NKAIN1: variants seen among roughly 807,000 people sequenced by gnomAD.
The protein encoded by NKAIN1 is sodium/potassium transporting ATPase interacting 1.
A neutral mutation model predicts 31.6 loss-of-function variants in NKAIN1; 13 were observed. The observed-to-expected ratio is 0.41, with a 90% confidence interval of 0.27 to 0.65. The LOEUF (loss-of-function observed/expected upper bound fraction) is 0.65. Ranked by LOEUF, NKAIN1 falls within the 30% of genes least tolerant of loss-of-function variation. The pLI is 0.30. For missense variants in NKAIN1, 193 were observed against 262.2 expected (o/e 0.74, Z 1.82); for synonymous variants, 104 against 109.0 (o/e 0.95, Z 0.28).
intron 1 of NKAIN1, among the ~76,000 whole-genome samples, chr1:31,209,220 C>T (rs938654222): frequency 5.3e-5 from 8 of 152,124 alleles, no homozygotes; most frequent in Non-Finnish European, 1.0e-4. Flanking sequence ...ACTAAAAACA[C>T]AAAAGTTAGC....
At chr1:31,216,352 C>T (rs899788866) in intron 1 of NKAIN1, among the ~76,000 whole-genome samples, 1 of 152,032 alleles carries the variant, frequency 6.6e-6, no homozygotes, top group Non-Finnish European at 1.5e-5. Flanking sequence ...CCTTTCATCC[C>T]CAGAATGACA....
intron 2 of NKAIN1, among the ~76,000 whole-genome samples, chr1:31,186,402 T>G (rs1322442420): frequency 1.3e-5 from 2 of 148,750 alleles, no homozygotes; most frequent in East Asian, 1.9e-4. Flanking sequence ...GTGTTTTTTT[T>G]TTTTTTTTTT....
intron 1 of NKAIN1, among the ~76,000 whole-genome samples, chr1:31,193,035 A>G (rs2148351727): frequency 6.6e-6 from 1 of 150,718 alleles, no homozygotes; most frequent in South Asian, 2.1e-4. Context: ...AGTGTCTTAT[A>G]AACAATCTCA....
chr1:31,232,074 C>G (rs561771430), intron 1 of NKAIN1, among the ~76,000 whole-genome samples: 1 of 143,856 alleles, frequency 7.0e-6, no homozygotes, highest in African/African-American at 2.6e-5. Context: ...CTACCATGCC[C>G]AGCTAAGTTT....
chr1:31,191,403 T>C (rs923569699), intron 1 of NKAIN1, among the ~76,000 whole-genome samples: 1 of 43,830 alleles, frequency 2.3e-5, no homozygotes, highest in Non-Finnish European at 1.3e-4. Flanking sequence ...GAGAGAGGTT[T>C]TTTTTTTTTT....
At chr1:31,194,016 T>C (rs747600824) in intron 1 of NKAIN1, 1 of 152,214 alleles carries the variant, frequency 6.6e-6, no homozygotes, top group Non-Finnish European at 1.5e-5. Context: ...CCTAGAGAGC[T>C]GCAAGCCAAG....
At chr1:31,231,546 T>G (rs1390576916) in intron 1 of NKAIN1, among the ~76,000 whole-genome samples, 2 of 145,788 alleles carry the variant, frequency 1.4e-5, no homozygotes, top group Non-Finnish European at 3.0e-5. Flanking sequence ...TGTTGTTGTT[T>G]TTGAGACGGA....
chr1:31,200,865 G>A (rs1227210255), intron 1 of NKAIN1, among the ~76,000 whole-genome samples: 1 of 149,108 alleles, frequency 6.7e-6, no homozygotes, highest in Non-Finnish European at 1.5e-5. Flanking sequence ...TGACAGTCTC[G>A]CTCTGTCGCC....
chr1:31,216,759 T>G (rs1429141522), intron 1 of NKAIN1, among the ~76,000 whole-genome samples: 2 of 146,880 alleles, frequency 1.4e-5, no homozygotes, highest in African/African-American at 5.0e-5. Context: ...AGTGGCACCA[T>G]CTCGGCTCAC....
In NKAIN1 at chr1:31,181,507, G is replaced by A; in HGVS notation, c.*196C>T. The A allele has an allele frequency of 2.2e-6, 1 of 458,942 alleles. No individual in the cohort carries two copies. The highest frequency in any genetic ancestry group is 3.7e-6 in the Non-Finnish European group (1 of 269,222). The allele number at this position is 458,942 out of a possible 1,614,324, so 28.4% of individuals were successfully genotyped here. On this transcript the variant is annotated 3_prime_UTR_variant, in exon 7 of 7. Transcript: ENST00000373736. ...GCCCCACTCCTCCGAAGTCCGGGCTGCGAAGAGCCAAGCTCAAATCCAAGT... is the reference window on the plus strand; with the variant it reads ...GCCCCACTCCTCCGAAGTCCGGGCTACGAAGAGCCAAGCTCAAATCCAAGT...
At chr1:31,193,875 G>A (rs1417963803) in intron 1 of NKAIN1, 1 of 152,152 alleles carries the variant, frequency 6.6e-6, no homozygotes, top group Non-Finnish European at 1.5e-5. Context: ...AATCATAACC[G>A]GCCTTGCTGT....
intron 6 of NKAIN1, 31 bp downstream of exon 6, chr1:31,181,829 C>T: frequency 1.9e-6 from 3 of 1,589,822 alleles, no homozygotes; most frequent in Non-Finnish European, 2.6e-6. Context: ...ACGCCCAGGC[C>T]TCCCCAAGCC....
rs555631369 is a variant in NKAIN1, at chr1:31,194,325, T to A, written c.55-6138A>T. 4.0e-5 allele frequency among the ~76,000 whole-genome samples: 6 copies of A among 151,232 alleles called. No individual in the cohort carries two copies. In the South Asian group the frequency reaches 6.3e-4, roughly 16 times the overall value. Reference sequence around the variant, plus strand: ...CAGTCCTCTCTGCCTTTGATCTCTGTTCTCCCCTGACCCAGCTCTTTCTTT... The same window carrying A: ...CAGTCCTCTCTGCCTTTGATCTCTGATCTCCCCTGACCCAGCTCTTTCTTT... On this transcript the variant is annotated intron_variant, in intron 1 of 6. Coordinates refer to ENST00000373736, the MANE Select transcript of NKAIN1 (RefSeq NM_024522.3).
intron 3 of NKAIN1, among the ~76,000 whole-genome samples, chr1:31,184,609 T>A (rs1209410497): frequency 1.3e-5 from 2 of 152,158 alleles, no homozygotes; most frequent in African/African-American, 2.4e-5. Flanking sequence ...TCAGAGAGGA[T>A]CAGCCACTTG....
intron 1 of NKAIN1, among the ~76,000 whole-genome samples, chr1:31,205,366 T>G (rs1253997695): frequency 6.6e-6 from 1 of 152,064 alleles, no homozygotes; most frequent in African/African-American, 2.4e-5. Flanking sequence ...TGGAGTGCAG[T>G]GTCACAATCT....
chr1:31,219,221 G>T (rs991243022), intron 1 of NKAIN1, among the ~76,000 whole-genome samples: 1 of 152,254 alleles, frequency 6.6e-6, no homozygotes, highest in Non-Finnish European at 1.5e-5. Flanking sequence ...GAGCCAGAAG[G>T]TAGTAGCATC....
In NKAIN1 at chr1:31,206,579, G is replaced by A. The variant is rs528755079; in HGVS notation, c.55-18392C>T. Among the ~76,000 whole-genome samples the A allele has an allele frequency of 2.0e-4, 30 of 152,094 alleles. No homozygotes were observed. In the East Asian group the frequency reaches 5.2e-3, roughly 27 times the overall value. On this transcript the variant is annotated intron_variant, in intron 1 of 6. Coordinates refer to ENST00000373736, the MANE Select transcript of NKAIN1 (RefSeq NM_024522.3). Reference sequence around the variant, plus strand: ...GCCTCCTGAGGAGCTAGGACCACAGGTGCACACCGCTACACCTGGCTAATT... The same window carrying A: ...GCCTCCTGAGGAGCTAGGACCACAGATGCACACCGCTACACCTGGCTAATT...
intron 1 of NKAIN1, among the ~76,000 whole-genome samples, chr1:31,198,492 C>T (rs1217300055): frequency 6.6e-6 from 1 of 152,114 alleles, no homozygotes; most frequent in Non-Finnish European, 1.5e-5. Flanking sequence ...CCCTCATGCT[C>T]CCCACTTGTT....
chr1:31,219,606 G>T (rs1442051530), intron 1 of NKAIN1, among the ~76,000 whole-genome samples: 1 of 152,244 alleles, frequency 6.6e-6, no homozygotes, highest in Non-Finnish European at 1.5e-5. Context: ...GCCCCCTAAT[G>T]CTTCCGGTAC....
Sources: gnomAD v4.1 joint callset for allele counts (sites outside exome capture counted in the v4.1 genomes callset) on GRCh38, gnomAD v4.1.1 for gene constraint, MANE v1.5 for transcripts, NCBI Gene and HGNC (gene_info 2026-07-23, HGNC 2026-07-21) for gene names.